The following C11orf16 variants were observed in gnomAD, a reference collection of about 807,000 sequenced individuals.
C11orf16 encodes the protein uncharacterized protein C11orf16.
Under a neutral mutation model 45.1 loss-of-function variants are expected in C11orf16, and 38 were observed. The observed-to-expected ratio is 0.84, with a 90% CI of 0.65 to 1.10. C11orf16 has a LOEUF of 1.10. Ranked by LOEUF, C11orf16 falls within the 50% of genes least tolerant of loss-of-function variation. The pLI is 0.00. For synonymous variants in C11orf16, 221 were observed against 222.0 expected (o/e 1.00, Z 0.04); for missense variants, 583 against 569.5 (o/e 1.02, Z -0.24).
chr11:8,922,025 G>A (rs928748299), intron 5 of C11orf16, among the ~76,000 whole-genome samples: 1 of 152,170 alleles, frequency 6.6e-6, no homozygotes, highest in Non-Finnish European at 1.5e-5. Context: ...TGGACCTTAT[G>A]CTTTTGGGAA....
In C11orf16 at chr11:8,925,475, G is replaced by T; in HGVS notation, c.1192C>A (p.Leu398Ile). The stretch of plus-strand genomic sequence containing the variant: ...TCCCCTGGTATACCTGGCTTCCCAA[G>T]GCATGGCTCAGGCCCGTTTCTCTTC... ...YWKRNGPEPC[L>I]GKPGTRYSNI... Residue 398 changes from leucine to isoleucine, a missense_variant, in exon 5 of 7, where the codon CTT becomes ATT. Physicochemically the swap from Leu to Ile is conservative, Grantham distance 5. Coordinates refer to ENST00000326053, the MANE Select transcript of C11orf16 (RefSeq NM_020643.3). 1 of 1,612,992 alleles carries T rather than the reference G, an allele frequency of 6.2e-7. No homozygotes were observed. Among genetic ancestry groups the T allele is most frequent in the Non-Finnish European group, 8.5e-7 (1 of 1,179,252 alleles).
intron 5 of C11orf16, among the ~76,000 whole-genome samples, chr11:8,923,935 G>A (rs1012290246): frequency 1.4e-4 from 20 of 145,144 alleles, no homozygotes; most frequent in Admixed American, 8.3e-4. Flanking sequence ...CTGCTGCCAA[G>A]GCTTGCCATT....
chr11:8,922,310 CT>C (rs1399244262), intron 5 of C11orf16, among the ~76,000 whole-genome samples: 4 of 152,052 alleles, frequency 2.6e-5, no homozygotes, highest in Non-Finnish European at 4.4e-5. Flanking sequence ...GAGTTTGAGG[CT>C]GCAGTGAGCT....
At chr11:8,921,194 G>T in intron 6 of C11orf16, 100 bp downstream of exon 6, 2 of 867,286 alleles carry the variant, frequency 2.3e-6, no homozygotes, top group East Asian at 2.4e-5. Flanking sequence ...TAGGACAAGG[G>T]GTCATAGGTT....
chr11:8,927,357 G>C lies in C11orf16; in HGVS notation c.325-183C>G, dbSNP rs967180569. 41 of 603,376 alleles carry C rather than the reference G, an allele frequency of 6.8e-5. No homozygotes were observed. The Admixed American group carries it at 1.1e-3, about 17-fold the overall frequency. The allele number at this position is 603,376 out of a possible 1,614,324, so 37.4% of individuals were successfully genotyped here. ...CAGTCAAAGCCAAGACAGGCAGGCT[G>C]TGTGGCACGGTTGTGCTCCCCTGAA... On this transcript the variant is annotated intron_variant, in intron 3 of 6. Transcript: ENST00000326053.
At chr11:8,929,216 TAC>T (rs1181069640) in intron 3 of C11orf16, 159 bp downstream of exon 3, 1 of 722,636 alleles carries the variant, frequency 1.4e-6, no homozygotes, top group Non-Finnish European at 2.2e-6. Flanking sequence ...AGCAAACTAA[TAC>T]ACTCAATGGT....
At chr11:8,929,674 T>G in intron 2 of C11orf16, 141 bp from the exon 3 acceptor site, 1 of 831,052 alleles carries the variant, frequency 1.2e-6, no homozygotes, top group Non-Finnish European at 1.8e-6. Flanking sequence ...AGTGGCAATC[T>G]ATGACTTCCG....
At position 8,925,452 on chromosome 11, in the gene C11orf16, C is replaced by G. The variant is rs748174255; in HGVS notation, c.1204+11G>C. On this transcript the variant is annotated intron_variant, in intron 5 of 6. Transcript: ENST00000326053. ...CCTGCCTTAGAAAGCAAGCCCACTC[C>G]CCTGGTATACCTGGCTTCCCAAGGC... 2.5e-6 allele frequency: 4 copies of G among 1,607,066 alleles called. No individual in the cohort carries two copies. Among genetic ancestry groups the G allele is most frequent in the Non-Finnish European group, 3.4e-6 (4 of 1,175,820 alleles).
chr11:8,926,234 A>C (rs1256696167), intron 4 of C11orf16, 127 bp from the exon 5 acceptor site: 4 of 896,092 alleles, frequency 4.5e-6, no homozygotes, highest in East Asian at 2.8e-5. Flanking sequence ...GCTGGAGTGC[A>C]GTGGCACAGT....
At chr11:8,927,733 A>G (rs1178355295) in intron 3 of C11orf16, 2 of 452,272 alleles carry the variant, frequency 4.4e-6, no homozygotes, top group Admixed American at 2.4e-5. Context: ...AGCAAAAGTG[A>G]GAGAACAGTG....
At chr11:8,929,157 T>G in intron 3 of C11orf16, 1 of 461,914 alleles carries the variant, frequency 2.2e-6, no homozygotes, top group Non-Finnish European at 3.7e-6. Context: ...AGATGACACA[T>G]TTCTGTGGTT....
chr11:8,927,587 C>T, intron 3 of C11orf16: 2 of 457,892 alleles, frequency 4.4e-6, no homozygotes, highest in Non-Finnish European at 4.4e-6. Context: ...CAAGACCAAC[C>T]AGGGATGTGT....
chr11:8,923,570 T>C (rs2064588607), intron 5 of C11orf16, among the ~76,000 whole-genome samples: 1 of 152,208 alleles, frequency 6.6e-6, no homozygotes, highest in African/African-American at 2.4e-5. Flanking sequence ...TGCTAAATTC[T>C]CCATAACTTC....
chr11:8,928,685 G>C (rs1326694441), intron 3 of C11orf16, among the ~76,000 whole-genome samples: 1 of 152,056 alleles, frequency 6.6e-6, no homozygotes, highest in Non-Finnish European at 1.5e-5. Context: ...ATTTTTTGTA[G>C]AGACAGGGTC....
Position 8,927,182 on chromosome 11 carries a change from A to G in C11orf16, c.325-8T>C. ...GACCCCCTGTCTCTCCAGCTGTGGG[A>G]AAGAAAACACTCAGAATAAGACCTG... On this transcript the variant is annotated splice_polypyrimidine_tract_variant and splice_region_variant and intron_variant, in intron 3 of 6. Coordinates refer to ENST00000326053, the MANE Select transcript of C11orf16 (RefSeq NM_020643.3). 2 of 1,606,638 alleles carry G rather than the reference A, an allele frequency of 1.2e-6. No homozygotes were observed. Among genetic ancestry groups the G allele is most frequent in the South Asian group, 2.2e-5 (2 of 90,742 alleles).
intron 3 of C11orf16, chr11:8,928,863 G>T (rs2064632056): frequency 6.5e-6 from 1 of 152,966 alleles, no homozygotes; most frequent in African/African-American, 2.4e-5. Context: ...GTGGATAGGG[G>T]CATTGCAAAT....
chr11:8,922,379 T>TA (rs34599473), intron 5 of C11orf16, among the ~76,000 whole-genome samples: 81,417 of 150,130 alleles, frequency 0.54, 23,204 homozygotes, highest in East Asian at 0.69. Flanking sequence ...TCTCTAAAAA[T>TA]AAAAAAAAAA....
In C11orf16 at chr11:8,925,411, A is replaced by G. The variant is rs377285399; in HGVS notation, c.1204+52T>C. The G allele has an allele frequency of 2.1e-4, 326 of 1,528,392 alleles. No homozygotes were observed. The African/African-American group carries it at 3.4e-3, about 16-fold the overall frequency. The allele number at this position is 1,528,392 out of a possible 1,614,324, so 94.7% of individuals were successfully genotyped here. A position where few individuals can be genotyped will look rare whatever the true frequency, so the allele number is the denominator to read the frequency against. ...CTAAGGGACATGTGGGAGGGAAGGG[A>G]GGCGGGGCCCCAGCCCCTGCCTTAG... On this transcript the variant is annotated intron_variant, in intron 5 of 6. Transcript: ENST00000326053.
Position 8,924,935 on chromosome 11 carries a change from A to G in C11orf16, c.1204+528T>C, listed in dbSNP as rs1043195764. Among the ~76,000 whole-genome samples, 4 of 152,292 alleles carry G rather than the reference A, an allele frequency of 2.6e-5. No individual in the cohort carries two copies. The South Asian group carries it at 8.3e-4, about 32-fold the overall frequency. Reference sequence around the variant, plus strand: ...TGCAGACTGCCAGCAGCAACAGGACACGGCTTCCCTGTTGGCCATGAGGGA... The same window carrying G: ...TGCAGACTGCCAGCAGCAACAGGACGCGGCTTCCCTGTTGGCCATGAGGGA... On this transcript the variant is annotated intron_variant, in intron 5 of 6. Transcript: ENST00000326053.
Sources: allele counts gnomAD v4.1 joint callset (sites outside exome capture counted in the v4.1 genomes callset), GRCh38; gene constraint gnomAD v4.1.1; transcripts MANE v1.5; gene names NCBI Gene and HGNC (gene_info 2026-07-23, HGNC 2026-07-21).